The following TRAPPC8 variants were observed in gnomAD, a reference collection of about 807,000 sequenced individuals.
TRAPPC8 encodes general sporulation gene 1 homolog.
TRAPPC8 carries 54 observed loss-of-function variants against 174.3 expected under a neutral mutation model. The observed-to-expected ratio is 0.31, with a 90% CI of 0.25 to 0.39. TRAPPC8 has a LOEUF of 0.39. TRAPPC8 is among the 10% of genes least tolerant of loss of function. TRAPPC8 has a pLI of 1.00. For missense variants in TRAPPC8, 1,531 were observed against 1,699.1 expected (o/e 0.90, Z 1.74); for synonymous variants, 630 against 579.9 (o/e 1.09, Z -1.24).
intron 19 of TRAPPC8, among the ~76,000 whole-genome samples, chr18:31,862,511 T>C (rs1568058640): frequency 6.6e-6 from 1 of 152,156 alleles, no homozygotes; most frequent in Non-Finnish European, 1.5e-5. Context: ...TTAATGGTAC[T>C]GGAACTAAAA....
chr18:31,940,987 C>G (rs2038312411), intron 1 of TRAPPC8, among the ~76,000 whole-genome samples: 1 of 122,690 alleles, frequency 8.2e-6, no homozygotes, highest in South Asian at 2.4e-4. Flanking sequence ...TTCTATGCTT[C>G]AAGGTCCTCA....
chr18:31,918,209 A>C (rs539126976), intron 2 of TRAPPC8, among the ~76,000 whole-genome samples: 145 of 151,742 alleles, frequency 9.6e-4, no homozygotes, highest in Non-Finnish European at 1.9e-3. Flanking sequence ...ACACAAGAAT[A>C]TATTCATATA....
chr18:31,864,774 A>G lies in TRAPPC8; in HGVS notation c.2598T>C (p.Tyr866=). ...TCCCTCGGACTGACATACTCAAGGA[A>G]TATTTTCCTGAAATAAAAAACAATC... The part of the protein sequence containing the change: ...GALPGCHTGK[Y]SLSMSVRGKQ... The change falls in exon 19 of 29, where the codon TAT becomes TAC. Residue 866 remains tyrosine, a synonymous_variant. Transcript: ENST00000283351. 6.2e-7 allele frequency: 1 copy of G among 1,600,702 alleles called. No homozygotes were observed. The highest frequency in any genetic ancestry group is 8.5e-7 in the Non-Finnish European group (1 of 1,175,388).
intron 14 of TRAPPC8, 33 bp downstream of exon 14, chr18:31,873,397 T>C (rs539930468): frequency 6.6e-7 from 1 of 1,504,346 alleles, no homozygotes; most frequent in East Asian, 2.3e-5. Context: ...TAAATTGTCA[T>C]TAGGTAATTA....
At chr18:31,929,079 G>T (rs1409835450) in intron 2 of TRAPPC8, among the ~76,000 whole-genome samples, 1 of 152,070 alleles carries the variant, frequency 6.6e-6, no homozygotes, top group Non-Finnish European at 1.5e-5. Context: ...ATACTCGGGA[G>T]GCTGAGGCAG....
In TRAPPC8 at chr18:31,874,685, C is replaced by G. The variant is rs764031056; in HGVS notation, c.1748G>C (p.Cys583Ser). 1 of 1,611,632 alleles carries G rather than the reference C, an allele frequency of 6.2e-7. No individual in the cohort carries two copies. The highest frequency in any genetic ancestry group is 1.3e-5 in the African/African-American group (1 of 74,796). Residue 583 changes from cysteine (C) to serine (S), a missense_variant, in exon 13 of 29, where the codon TGT becomes TCT. Transcript: ENST00000283351. The stretch of plus-strand genomic sequence containing the variant: ...GTAAACTTGCATGGCTTGACAATAA[C>G]AGCGTAAAGCATGCTTTTTCTGTAA... ...KAGQKKHALRCYCQAMQVYKG... is the reference protein window; with the variant it reads ...KAGQKKHALRSYCQAMQVYKG...
intron 2 of TRAPPC8, among the ~76,000 whole-genome samples, chr18:31,924,361 G>A (rs2037520281): frequency 6.6e-6 from 1 of 150,800 alleles, no homozygotes; most frequent in Admixed American, 6.6e-5. Flanking sequence ...GGCTGAGGTA[G>A]GGAGAACTGC....
At chr18:31,887,863 G>A (rs1352234706) in intron 12 of TRAPPC8, among the ~76,000 whole-genome samples, 2 of 152,058 alleles carry the variant, frequency 1.3e-5, no homozygotes, top group Non-Finnish European at 2.9e-5. Flanking sequence ...AATCAAGCAA[G>A]AGAAAGAAAT....
At position 31,935,364 on chromosome 18, in the gene TRAPPC8, C is replaced by CAA. The variant is rs10646414; in HGVS notation, c.158-3843_158-3842dup. ...CTCAAAAACAAACAAACAAACAAAC[C>CAA]AAAAAAAAAACAGGCTTTATAAATA... On this transcript the variant is annotated intron_variant, in intron 1 of 28. Transcript: ENST00000283351. Among the ~76,000 whole-genome samples, 3 of 108,198 alleles carry CAA rather than the reference C, an allele frequency of 2.8e-5. No homozygotes were observed. The Admixed American group carries it at 3.2e-4, about 11-fold the overall frequency. 71.0% of individuals were successfully genotyped at this position (108,198 alleles called of 152,430 possible).
intron 19 of TRAPPC8, among the ~76,000 whole-genome samples, chr18:31,858,813 G>A (rs889232264): frequency 1.3e-5 from 2 of 152,198 alleles, no homozygotes; most frequent in Admixed American, 6.5e-5. Context: ...TACTGGCTGG[G>A]CACAGTGGCT....
chr18:31,931,560 C>T, intron 1 of TRAPPC8, 37 bp from the exon 2 acceptor site: 1 of 1,487,386 alleles, frequency 6.7e-7, no homozygotes. Context: ...GAAATTAATT[C>T]TATACAATGC....
Position 31,830,195 on chromosome 18 carries a change from A to G in TRAPPC8, c.*560T>C, listed in dbSNP as rs2032276069. 6.6e-6 allele frequency: 1 copy of G among 152,592 alleles called. No homozygotes were observed. Among genetic ancestry groups the G allele is most frequent in the Non-Finnish European group, 1.5e-5 (1 of 68,038 alleles). 9.5% of individuals were successfully genotyped at this position (152,592 alleles called of 1,614,324 possible). A position where few individuals can be genotyped will look rare whatever the true frequency, so the allele number is the denominator to read the frequency against. On this transcript the variant is annotated 3_prime_UTR_variant, in exon 29 of 29. Transcript: ENST00000283351. ...AAACTATATTCAAAGCATCAGAAAA[A>G]ATTTTTTTTTCTTTTTACAAAGTTA...
At position 31,871,012 on chromosome 18, in the gene TRAPPC8, C is replaced by T. The variant is rs768990985; in HGVS notation, c.2171G>A (p.Gly724Glu). ...EEQVVSVVNKGVIPSNFHPTQ... is the reference protein window; with the variant it reads ...EEQVVSVVNKEVIPSNFHPTQ... ...GGGATGAAAATTGGATGGAATTACT[C>T]CTTTGTTAACCACAGAAACAACTTG... is the stretch of plus-strand genomic sequence containing the variant. Residue 724 changes from glycine (G) to glutamate (E), a missense_variant, in exon 15 of 29, where the codon GGA becomes GAA. By Grantham distance (98) the Gly-to-Glu change is moderately conservative. Coordinates refer to ENST00000283351, the MANE Select transcript of TRAPPC8 (RefSeq NM_014939.5). 6.8e-6 allele frequency: 11 copies of T among 1,611,496 alleles called. No homozygotes were observed. The South Asian group carries it at 1.2e-4, about 18-fold the overall frequency.
chr18:31,915,483 C>T (rs1361995170), intron 4 of TRAPPC8, among the ~76,000 whole-genome samples: 2 of 43,496 alleles, frequency 4.6e-5, no homozygotes, highest in Admixed American at 3.0e-4. Context: ...GGGGGGGGCG[C>T]AGGCGCAGTG....
rs1422012390 is a variant in TRAPPC8, at chr18:31,913,512, T to C, written c.628A>G (p.Ile210Val). The C allele has an allele frequency of 4.4e-6, 7 of 1,593,168 alleles. No homozygotes were observed. Among genetic ancestry groups the C allele is most frequent in the Non-Finnish European group, 6.0e-6 (7 of 1,173,640 alleles). ...SAGDEQRAES[I>V]YEEMKQKYGT... Reference sequence around the variant, plus strand: ...TATTTCTGTTTCATTTCTTCATAAATTGATTCAGCTCTAAAACAGAAAATG... The same window carrying C: ...TATTTCTGTTTCATTTCTTCATAAACTGATTCAGCTCTAAAACAGAAAATG... The change falls in exon 5 of 29, where the codon ATT (isoleucine) becomes GTT (valine). Residue 210 changes from isoleucine to valine, a missense_variant. Transcript: ENST00000283351.
chr18:31,923,836 G>C (rs567523972), intron 2 of TRAPPC8, among the ~76,000 whole-genome samples: 1 of 152,054 alleles, frequency 6.6e-6, no homozygotes, highest in Non-Finnish European at 1.5e-5. Flanking sequence ...AACTTAGTGA[G>C]ACCCTATCTC....
In TRAPPC8 at chr18:31,849,687, G is replaced by A. The variant is rs764377580; in HGVS notation, c.3614C>T (p.Ser1205Phe). Residue 1205 changes from serine (S) to phenylalanine (F), a missense_variant, in exon 25 of 29, where the codon TCT (serine) becomes TTT (phenylalanine). Ser to Phe is a radical substitution (Grantham distance 155). Transcript: ENST00000283351. ...GTGAGCTTGTGGTTTTTTCAATTCA[G>A]AAGATAAACTTCGATAAAAGAAGTC... is the stretch of plus-strand genomic sequence containing the variant. ...CADFFYRSLS[S>F]ELKKPQAHLP... is the part of the protein sequence containing the mutation. The A allele has an allele frequency of 1.2e-6, 2 of 1,611,426 alleles. No individual in the cohort carries two copies. The highest frequency in any genetic ancestry group is 2.7e-5 in the African/African-American group (2 of 74,774).
At chr18:31,934,775 G>A (rs1032795365) in intron 1 of TRAPPC8, among the ~76,000 whole-genome samples, 22 of 151,234 alleles carry the variant, frequency 1.5e-4, no homozygotes, top group African/African-American at 5.1e-4. Flanking sequence ...GCTGAGGCAG[G>A]AGAATCGCTT....
chr18:31,846,858 G>C, intron 25 of TRAPPC8, 41 bp from the exon 26 acceptor site: 1 of 1,486,822 alleles, frequency 6.7e-7, no homozygotes, highest in Non-Finnish European at 9.3e-7. Context: ...GTGCTTGACA[G>C]TAACCTCTAA....
Sources: gnomAD v4.1 joint callset for allele counts (sites outside exome capture counted in the v4.1 genomes callset) on GRCh38, gnomAD v4.1.1 for gene constraint, MANE v1.5 for transcripts, NCBI Gene and HGNC (gene_info 2026-07-23, HGNC 2026-07-21) for gene names.